Variants in CEP44 observed in about 807,000 individuals in gnomAD.
CEP44 encodes centrosomal protein of 44 kDa.
Under a neutral mutation model 46.7 loss-of-function variants are expected in CEP44, and 45 were observed. The ratio of observed to expected loss-of-function variants is 0.96; its 90% CI spans 0.76 to 1.24. CEP44 has a LOEUF of 1.24. CEP44 is among the 50% of genes most tolerant of loss of function. The pLI is 0.00. For synonymous variants in CEP44, 142 were observed against 146.0 expected, an observed-to-expected ratio of 0.97 and a Z score of 0.20; for missense variants, 475 against 459.7, an observed-to-expected ratio of 1.03 and a Z score of -0.30.
rs1229034170 is a variant in CEP44, at chr4:174,319,545, A to G, written c.*2162A>G. The G allele has an allele frequency of 1.2e-6, 1 of 839,068 alleles. No individual in the cohort carries two copies. Among genetic ancestry groups the G allele is most frequent in the Non-Finnish European group, 1.4e-6 (1 of 696,738 alleles). 52.0% of individuals were successfully genotyped at this position (839,068 alleles called of 1,614,324 possible). ...CTACCCTTTCTTTTTTTCTTTATAT[A>G]GTGCAGATATACACACAGAGAAGGG... On this transcript the variant is annotated 3_prime_UTR_variant, in exon 12 of 12. Coordinates refer to ENST00000503780, the MANE Select transcript of CEP44 (RefSeq NM_001040157.3).
Position 174,331,573 on chromosome 4 carries a change from C to G in CEP44, c.1178C>G (p.Ala393Gly), listed in dbSNP as rs1560929387. Residue 393 changes from alanine (A) to glycine (G), a missense_variant, in exon 9 of 9, where the codon GCT (alanine) becomes GGT (glycine). Ala to Gly is a moderately conservative substitution (Grantham distance 60). Coordinates refer to the CEP44 transcript ENST00000426172. This position sits in a 1 kb window ranked among gnomAD's most constrained non-coding sequence, Gnocchi z 4.5. Reference sequence around the variant, plus strand: ...TCATACCTTTCATCACAGAGCTTTGCTTGGCCTCTCTCCTGTGTGTAATCT... The same window carrying G: ...TCATACCTTTCATCACAGAGCTTTGGTTGGCCTCTCTCCTGTGTGTAATCT... 1 of 1,551,406 alleles carries G rather than the reference C, an allele frequency of 6.4e-7. No individual in the cohort carries two copies. Among genetic ancestry groups the G allele is most frequent in the Non-Finnish European group, 8.7e-7 (1 of 1,146,842 alleles).
rs1738075836 is a variant in CEP44, at chr4:174,290,524, G to A, written c.-148+6581G>A. 6.6e-6 allele frequency among the ~76,000 whole-genome samples: 1 copy of A among 151,830 alleles called. No homozygotes were observed. Among genetic ancestry groups the A allele is most frequent in the Admixed American group, 6.6e-5 (1 of 15,242 alleles). ...AAGAATGATTATTTTGCTATGGTTGGGTCTCATGTTCTGTATATGCATGTT... is the reference window on the plus strand; with the variant it reads ...AAGAATGATTATTTTGCTATGGTTGAGTCTCATGTTCTGTATATGCATGTT... On this transcript the variant is annotated intron_variant, in intron 1 of 11. Coordinates refer to ENST00000503780, the MANE Select transcript of CEP44 (RefSeq NM_001040157.3). This position sits in a 1 kb window ranked among gnomAD's most constrained non-coding sequence, Gnocchi z 4.3.
rs34842155 is a variant in CEP44 at position 174,317,587 on chromosome 4, CT to C, written c.*217del. On this transcript the variant is annotated 3_prime_UTR_variant, in exon 12 of 12. Transcript: ENST00000503780. ...GATTATACTGCTTTACCTTGTGTCA[CT>C]TTTTTTTTTTTTAGGAAAAACTCAT... 0.12 allele frequency: 84,955 copies of C among 731,420 alleles called. No individual in the cohort carries two copies. Among genetic ancestry groups the C allele is most frequent in the Middle Eastern group, 0.13 (217 of 1,658 alleles). The allele number at this position is 731,420 out of a possible 1,614,324, so 45.3% of individuals were successfully genotyped here.
At chr4:174,315,418 AAG>A (rs1486259531) in intron 9 of CEP44, among the ~76,000 whole-genome samples, 2 of 152,210 alleles carry the variant, frequency 1.3e-5, no homozygotes, top group African/African-American at 2.4e-5. Context: ...TTTTTAGAAA[AAG>A]AAATCTGTGG....
At position 174,314,963 on chromosome 4, in the gene CEP44, A is replaced by G. The variant is rs1191273985; in HGVS notation, c.962-1203A>G. Reference sequence around the variant, plus strand: ...GGAATTAGGACACCACGAGTTAGTTAGTCAAATGATATTGAGCCTGGGCCG... The same window carrying G: ...GGAATTAGGACACCACGAGTTAGTTGGTCAAATGATATTGAGCCTGGGCCG... On this transcript the variant is annotated intron_variant, in intron 9 of 11. Coordinates refer to ENST00000503780, the MANE Select transcript of CEP44 (RefSeq NM_001040157.3). The surrounding 1 kb of genome is among the most constrained non-coding windows in gnomAD (Gnocchi z 4.1). Among the ~76,000 whole-genome samples the G allele has an allele frequency of 6.6e-6, 1 of 152,218 alleles. No homozygotes were observed. Among genetic ancestry groups the G allele is most frequent in the Non-Finnish European group, 1.5e-5 (1 of 68,046 alleles).
At chr4:174,324,143 T>C (rs1742504616), downstream of CEP44, among the ~76,000 whole-genome samples, 3 of 152,300 alleles carry the variant, frequency 2.0e-5, 1 homozygote, top group South Asian at 6.2e-4. Flanking sequence ...TTTATATTAA[T>C]ATCATCATAC....
intron 1 of CEP44, among the ~76,000 whole-genome samples, chr4:174,291,350 A>G (rs537768993): frequency 6.6e-6 from 1 of 152,134 alleles, no homozygotes; most frequent in African/African-American, 2.4e-5. Context: ...TTATGTAGTC[A>G]TAGCAGGCTT....
chr4:174,292,187 C>G (rs1441835835), intron 1 of CEP44, among the ~76,000 whole-genome samples: 1 of 152,144 alleles, frequency 6.6e-6, no homozygotes, highest in Non-Finnish European at 1.5e-5. Flanking sequence ...GTCATTCCCT[C>G]TCTCCTGGCC....
chr4:174,323,507 A>G (rs1018669333), downstream of CEP44, among the ~76,000 whole-genome samples: 1 of 152,032 alleles, frequency 6.6e-6, no homozygotes, highest in Admixed American at 6.6e-5. Flanking sequence ...TGAGTTTTGC[A>G]GTGGAGAAAA....
intron 3 of CEP44, 99 bp downstream of exon 3, chr4:174,299,309 GT>G (rs1739443964): frequency 3.3e-6 from 3 of 896,548 alleles, no homozygotes; most frequent in Non-Finnish European, 5.0e-6. Flanking sequence ...ATTTTACCTG[GT>G]TCCTATTTAA....
rs926962931 is a variant in CEP44, at chr4:174,326,784, G to A, written c.1087-4698G>A. Among the ~76,000 whole-genome samples the A allele has an allele frequency of 4.0e-5, 6 of 151,720 alleles. No homozygotes were observed. Among genetic ancestry groups the A allele is most frequent in the African/African-American group, 1.5e-4 (6 of 41,354 alleles). The stretch of plus-strand genomic sequence containing the variant: ...ATAGGGATTTTTGGTTTTTTTGTTT[G>A]TTGTTTTTCATTCTTTTCAGTAATT... On this transcript the variant is annotated intron_variant, in intron 8 of 8. Coordinates refer to the CEP44 transcript ENST00000426172. This position sits in a 1 kb window ranked among gnomAD's most constrained non-coding sequence, Gnocchi z 4.8.
At chr4:174,325,016 C>G (rs1491000745), downstream of CEP44, among the ~76,000 whole-genome samples, 1 of 152,102 alleles carries the variant, frequency 6.6e-6, no homozygotes, top group Non-Finnish European at 1.5e-5. The surrounding 1 kb of genome is among the most constrained non-coding windows in gnomAD (Gnocchi z 4.4). Context: ...TCCCATAACC[C>G]TAGGTGGGAA....
chr4:174,294,824 C>G (rs1330171278), intron 1 of CEP44, among the ~76,000 whole-genome samples: 2 of 140,792 alleles, frequency 1.4e-5, no homozygotes, highest in Non-Finnish European at 3.1e-5. Context: ...CCACCTCCCT[C>G]CCGGACGGGA....
chr4:174,315,095 G>A (rs1264911699), intron 9 of CEP44, among the ~76,000 whole-genome samples: 1 of 152,192 alleles, frequency 6.6e-6, no homozygotes, highest in Non-Finnish European at 1.5e-5. Context: ...AAAAGAGACT[G>A]TGGCTCTATG....
chr4:174,313,381 GAAA>G (rs536148825), intron 9 of CEP44, among the ~76,000 whole-genome samples: 20 of 131,314 alleles, frequency 1.5e-4, no homozygotes, highest in Non-Finnish European at 3.1e-4. Context: ...TCCCTCAGAG[GAAA>G]AAAAAAAAAA....
chr4:174,332,554 C>T (rs1388404390), exon 9 of CEP44: 2 of 152,174 alleles, frequency 1.3e-5, no homozygotes, highest in Non-Finnish European at 2.9e-5. Context: ...ATAAAATTCA[C>T]TTTAATTTGT....
At chr4:174,327,343 C>T (rs775742436) in intron 8 of CEP44, among the ~76,000 whole-genome samples, 3 of 151,632 alleles carry the variant, frequency 2.0e-5, no homozygotes, top group Non-Finnish European at 2.9e-5. Flanking sequence ...GACATACCAT[C>T]TTCGTGTTAG....
chr4:174,327,740 A>G (rs368398770), intron 8 of CEP44, among the ~76,000 whole-genome samples: 4 of 152,076 alleles, frequency 2.6e-5, no homozygotes, highest in African/African-American at 4.8e-5. Context: ...GGCTATTTAT[A>G]TGGACGGGGT....
chr4:174,327,576 AT>A (rs1489510267), intron 8 of CEP44, among the ~76,000 whole-genome samples: 4 of 152,080 alleles, frequency 2.6e-5, no homozygotes, highest in Admixed American at 6.6e-5. Context: ...CAATAATTAA[AT>A]TTTTTATAGC....
Sources: allele counts gnomAD v4.1 joint callset (sites outside exome capture counted in the v4.1 genomes callset), GRCh38; gene constraint gnomAD v4.1.1; non-coding constraint Gnocchi (gnomAD v3.1); transcripts MANE v1.5; gene names NCBI Gene and HGNC (gene_info 2026-07-23, HGNC 2026-07-21).